The following TMEM38B variants were observed in gnomAD, a reference collection of about 807,000 sequenced individuals.
TMEM38B encodes the protein trimeric intracellular cation channel type B.
Under a neutral mutation model 28.7 loss-of-function variants are expected in TMEM38B, and 24 were observed. The observed-to-expected ratio is 0.84, with a 90% CI of 0.61 to 1.18. The LOEUF (loss-of-function observed/expected upper bound fraction) is 1.18, where lower values mean the gene tolerates loss of function less well. Ranked by LOEUF, TMEM38B falls within the 50% of genes most tolerant of loss-of-function variation. TMEM38B has a pLI of 0.00. For missense variants in TMEM38B, 380 were observed against 350.9 expected, an observed-to-expected ratio of 1.08 and a Z score of -0.66; for synonymous variants, 131 against 127.7, an observed-to-expected ratio of 1.03 and a Z score of -0.17.
intron 4 of TMEM38B, among the ~76,000 whole-genome samples, chr9:105,730,511 G>T (rs9759659): frequency 6.6e-6 from 1 of 152,122 alleles, no homozygotes; most frequent in Non-Finnish European, 1.5e-5. Flanking sequence ...TGTTCATCAG[G>T]GATATTGGCC....
chr9:105,774,303 A>T lies in TMEM38B; in HGVS notation c.*223A>T. Reference sequence around the variant, plus strand: ...TGATTATGCTTTACCGGTATAAGAGATTCTGTTGTGATTATTTGAATAGTT... The same window carrying T: ...TGATTATGCTTTACCGGTATAAGAGTTTCTGTTGTGATTATTTGAATAGTT... On this transcript the variant is annotated 3_prime_UTR_variant, in exon 6 of 6. Transcript: ENST00000374692. The T allele has an allele frequency of 2.7e-6, 1 of 374,868 alleles. No individual in the cohort carries two copies. Among genetic ancestry groups the T allele is most frequent in the Non-Finnish European group, 4.7e-6 (1 of 210,832 alleles). The allele number at this position is 374,868 out of a possible 1,614,324, so 23.2% of individuals were successfully genotyped here. A position where few individuals can be genotyped will look rare whatever the true frequency, so the allele number is the denominator to read the frequency against.
chr9:105,699,966 C>G (rs78140824), intron 1 of TMEM38B, among the ~76,000 whole-genome samples: 1 of 152,140 alleles, frequency 6.6e-6, no homozygotes, highest in Admixed American at 6.5e-5. Context: ...TTTAATCTAT[C>G]TTATCTTACA....
intron 2 of TMEM38B, among the ~76,000 whole-genome samples, chr9:105,711,463 A>G (rs1159159211): frequency 6.6e-6 from 1 of 152,024 alleles, no homozygotes; most frequent in African/African-American, 2.4e-5. Flanking sequence ...AAGAAAAGAA[A>G]AAGGAAAATA....
At chr9:105,766,422 G>A (rs1391647343) in intron 5 of TMEM38B, among the ~76,000 whole-genome samples, 2 of 152,110 alleles carry the variant, frequency 1.3e-5, no homozygotes, top group Non-Finnish European at 1.5e-5. Flanking sequence ...TTTGAATAGT[G>A]TCTGTTTAAA....
intron 5 of TMEM38B, among the ~76,000 whole-genome samples, chr9:105,757,758 T>C (rs1837885087): frequency 1.3e-5 from 2 of 152,148 alleles, no homozygotes; most frequent in South Asian, 4.1e-4. Flanking sequence ...TTGGTGACCT[T>C]AGTAAAAGCA....
chr9:105,756,109 A>G (rs1837821838), intron 5 of TMEM38B, among the ~76,000 whole-genome samples: 1 of 152,198 alleles, frequency 6.6e-6, no homozygotes, highest in African/African-American at 2.4e-5. Context: ...AGATCGCGCC[A>G]TTGCACTCTA....
chr9:105,746,977 C>A (rs1837423838), intron 4 of TMEM38B, among the ~76,000 whole-genome samples: 2 of 152,140 alleles, frequency 1.3e-5, no homozygotes, highest in Admixed American at 1.3e-4. Flanking sequence ...ATTCGGTTTG[C>A]CAGTATTTTA....
intron 5 of TMEM38B, chr9:105,748,944 C>T (rs752230396): frequency 3.9e-4 from 216 of 547,524 alleles, no homozygotes; most frequent in Middle Eastern, 1.5e-3. Context: ...TTATGGCCAC[C>T]TCTGTTTTAG....
rs1837965083 is a variant in TMEM38B, at chr9:105,759,724, C to T, written c.660+11534C>T. 1.4e-5 allele frequency: 22 copies of T among 1,600,982 alleles called. 1 individual carries two copies. The South Asian group carries it at 2.4e-4, about 17-fold the overall frequency. On this transcript the variant is annotated intron_variant, in intron 5 of 5. Transcript: ENST00000374692. ...CAAACAGGAATTCCTGTTGAATCTT[C>T]ATTCAGAGGAAAATATTCAAAAGCC...
chr9:105,745,928 C>T (rs1441889265), intron 4 of TMEM38B, among the ~76,000 whole-genome samples: 2 of 151,992 alleles, frequency 1.3e-5, no homozygotes, highest in Non-Finnish European at 2.9e-5. Context: ...CTGTTCTGTT[C>T]CATTGGTCTA....
intron 4 of TMEM38B, among the ~76,000 whole-genome samples, chr9:105,730,822 A>C (rs1210113821): frequency 6.6e-6 from 1 of 152,042 alleles, no homozygotes; most frequent in South Asian, 2.1e-4. Flanking sequence ...GAATTTATCC[A>C]TTTCTGCTAG....
At chr9:105,749,008 G>T (rs1285474182) in intron 5 of TMEM38B, 4 of 1,211,180 alleles carry the variant, frequency 3.3e-6, no homozygotes, top group Non-Finnish European at 4.4e-6. Flanking sequence ...AGGAAAACAG[G>T]ATAGATTATA....
chr9:105,751,697 C>CT (rs1227107636), intron 5 of TMEM38B, among the ~76,000 whole-genome samples: 1 of 152,158 alleles, frequency 6.6e-6, no homozygotes, highest in Non-Finnish European at 1.5e-5. Context: ...TCTTGAGTTC[C>CT]TGGGGGGAGG....
At chr9:105,761,733 A>G (rs558691456) in intron 5 of TMEM38B, among the ~76,000 whole-genome samples, 77 of 152,192 alleles carry the variant, frequency 5.1e-4, no homozygotes, top group Non-Finnish European at 8.4e-4. Flanking sequence ...AAAACAGCCT[A>G]TATGCCCAGG....
rs1826701321 is a variant in TMEM38B at position 105,775,609 on chromosome 9, A to G, written c.*1529A>G. The G allele has an allele frequency of 6.6e-6, 1 of 152,026 alleles. No individual in the cohort carries two copies. The highest frequency in any genetic ancestry group is 1.5e-5 in the Non-Finnish European group (1 of 67,978). The allele number at this position is 152,026 out of a possible 1,614,324, so 9.4% of individuals were successfully genotyped here. Reference sequence around the variant, plus strand: ...TAGTCTTGGAATGCTAAGAAGTTTTATTTTTAATATTGTGACAGAAAGCTT... The same window carrying G: ...TAGTCTTGGAATGCTAAGAAGTTTTGTTTTTAATATTGTGACAGAAAGCTT... On this transcript the variant is annotated 3_prime_UTR_variant, in exon 6 of 6. Transcript: ENST00000374692.
intron 5 of TMEM38B, chr9:105,758,617 A>G: frequency 1.2e-6 from 1 of 862,696 alleles, no homozygotes; most frequent in East Asian, 2.4e-5. Flanking sequence ...GAAAATGTTG[A>G]TGGTACTAAC....
chr9:105,747,981 C>G (rs1330752647), intron 4 of TMEM38B, 92 bp from the exon 5 acceptor site: 1 of 800,460 alleles, frequency 1.2e-6, no homozygotes, highest in African/African-American at 1.7e-5. Flanking sequence ...ATTAATAACC[C>G]ATTAAGTTAA....
At chr9:105,710,763 A>G in intron 2 of TMEM38B, 1 of 555,218 alleles carries the variant, frequency 1.8e-6, no homozygotes. Flanking sequence ...TGTTGGGGAG[A>G]CGGCAGGTAG....
chr9:105,737,692 G>A (rs1265867508), intron 4 of TMEM38B, among the ~76,000 whole-genome samples: 2 of 152,170 alleles, frequency 1.3e-5, no homozygotes, highest in East Asian at 1.9e-4. Context: ...CCTGGGATGC[G>A]GGACCCTGCA....
Sources: allele counts gnomAD v4.1 joint callset (sites outside exome capture counted in the v4.1 genomes callset), GRCh38; gene constraint gnomAD v4.1.1; transcripts MANE v1.5; gene names NCBI Gene and HGNC (gene_info 2026-07-23, HGNC 2026-07-21).